The following SLC7A3 variants were observed in gnomAD, a reference collection of about 807,000 sequenced individuals.
SLC7A3 encodes cationic amino acid transporter 3.
In SLC7A3, 3 loss-of-function variants were observed where a neutral mutation model predicts 33.2. That is an observed-to-expected ratio of 0.09 (90% CI 0.04 to 0.23). The LOEUF is 0.23. SLC7A3 is among the 10% of genes least tolerant of loss of function. The pLI is 1.00. For synonymous variants in SLC7A3, 193 were observed against 195.1 expected (o/e 0.99, Z 0.09); for missense variants, 360 against 488.8 (o/e 0.74, Z 2.48).
rs2091899566 is a variant in SLC7A3 at position 70,927,498 on chromosome X, G to A, written c.1169C>T (p.Ser390Phe). 8.3e-7 allele frequency: 1 copy of A among 1,211,563 alleles called. No individual in the cohort carries two copies. The highest frequency in any genetic ancestry group is 1.1e-6 in the Non-Finnish European group (1 of 895,446). Residue 390 changes from serine (S) to phenylalanine (F), a missense_variant, in exon 7 of 12, where the codon TCT becomes TTT. By Grantham distance (155) the Ser-to-Phe change is radical. Coordinates refer to ENST00000374299, the MANE Select transcript of SLC7A3 (RefSeq NM_032803.6). ...GGGTCTGTTACCTGCAATAATGCCA[G>A]AGACCACGGTGGCTATGATTGGGGT... is the stretch of plus-strand genomic sequence containing the variant. Reference protein sequence around the residue: ...TRTPIIATVVSGIIAAFMAFL... With the variant: ...TRTPIIATVVFGIIAAFMAFL...
chrX:70,928,701 G>A lies in SLC7A3; in HGVS notation c.530-68C>T, dbSNP rs67961679. ...CCAAGCTTTGTTTCCCTGCCTCTAG[G>A]TTCCTTCCCAGCTTTTCTTCTTCCC... On this transcript the variant is annotated intron_variant, in intron 3 of 11. Coordinates refer to ENST00000374299, the MANE Select transcript of SLC7A3 (RefSeq NM_032803.6). 25,156 of 1,122,878 alleles carry A rather than the reference G, an allele frequency of 0.022. 1,489 individuals are homozygous for A. In the African/African-American group the frequency reaches 0.26, roughly 11 times the overall value. 92.5% of individuals were successfully genotyped at this position (1,122,878 alleles called of 1,213,427 possible). A position where few individuals can be genotyped will look rare whatever the true frequency, so the allele number is the denominator to read the frequency against.
intron 1 of SLC7A3, among the ~76,000 whole-genome samples, chrX:70,930,228 A>G (rs1458977575): frequency 8.9e-6 from 1 of 111,966 alleles, no homozygotes; most frequent in Non-Finnish European, 1.9e-5. Flanking sequence ...AGGTTTTTGG[A>G]AGGGCTAATT....
At chrX:70,928,324 GC>G in intron 4 of SLC7A3, 67 bp from the exon 5 acceptor site, 1 of 1,108,720 alleles carries the variant, frequency 9.0e-7, no homozygotes, top group Admixed American at 2.4e-5. Context: ...TTTCTCTAAT[GC>G]CAAACCAGTT....
chrX:70,927,815 G>A lies in SLC7A3; in HGVS notation c.1026C>T (p.Leu342=). The A allele has an allele frequency of 8.5e-7, 1 of 1,182,858 alleles. No homozygotes were observed. The highest frequency in any genetic ancestry group is 1.1e-6 in the Non-Finnish European group (1 of 880,875). ...PARYVVAVGS[L]CALSTSLLGS... is the part of the protein sequence containing the mutation. Reference sequence around the variant, plus strand: ...ATACTGACCTGGTAGAAAGAGCACAGAGGGAGCCAACAGCCACAACATAGC... The same window carrying A: ...ATACTGACCTGGTAGAAAGAGCACAAAGGGAGCCAACAGCCACAACATAGC... Residue 342 remains leucine (L), a synonymous_variant, in exon 6 of 12, where the codon CTC becomes CTT. Coordinates refer to ENST00000374299, the MANE Select transcript of SLC7A3 (RefSeq NM_032803.6).
At chrX:70,929,025 A>G (rs1456823219) in intron 2 of SLC7A3, 23 bp from the exon 3 acceptor site, 1 of 1,205,425 alleles carries the variant, frequency 8.3e-7, no homozygotes, top group South Asian at 1.8e-5. Flanking sequence ...AGAGAGAAAC[A>G]TGTGGCCAAG....
At position 70,928,613 on chromosome X, in the gene SLC7A3, T is replaced by C. The variant is rs769312089; in HGVS notation, c.550A>G (p.Ser184Gly). The C allele has an allele frequency of 1.2e-4, 145 of 1,201,938 alleles. No homozygotes were observed. In the South Asian group the frequency reaches 2.5e-3, roughly 21 times the overall value. Residue 184 changes from serine (S) to glycine (G), a missense_variant, in exon 4 of 12, where the codon AGT (serine) becomes GGT (glycine). By Grantham distance (56) the Ser-to-Gly change is moderately conservative. Transcript: ENST00000374299. Reference protein sequence around the residue: ...LLTGLLALGASESALVTKVFT... With the variant: ...LLTGLLALGAGESALVTKVFT... ...ACTTTGGTAACCAGGGCCGACTCAC[T>C]AGCCCCGAGAGCCAACAATCCTGTG... is the stretch of plus-strand genomic sequence containing the variant.
rs1484353300 is a variant in SLC7A3 at position 70,928,402 on chromosome X, C to T, written c.707+54G>A. The T allele has an allele frequency of 2.6e-6, 3 of 1,134,194 alleles. 1 individual carries two copies. The highest frequency in any genetic ancestry group is 3.6e-5 in the African/African-American group (2 of 54,996). The allele number at this position is 1,134,194 out of a possible 1,213,427, so 93.5% of individuals were successfully genotyped here. ...CCATCCAGAATCCTTCAGCAGATCCCCTTCTTCCCCTTCATTTTCCCAGCT... is the reference window on the plus strand; with the variant it reads ...CCATCCAGAATCCTTCAGCAGATCCTCTTCTTCCCCTTCATTTTCCCAGCT... On this transcript the variant is annotated intron_variant, in intron 4 of 11. Transcript: ENST00000374299.
At chrX:70,926,727 A>T in intron 9 of SLC7A3, 34 bp from the exon 10 acceptor site, 1 of 1,170,369 alleles carries the variant, frequency 8.5e-7, no homozygotes, top group Non-Finnish European at 1.1e-6. Context: ...ATCAAAACCA[A>T]CTCTTAAGAC....
chrX:70,930,418 A>C (rs1338243270), intron 1 of SLC7A3, among the ~76,000 whole-genome samples: 1 of 111,287 alleles, frequency 9.0e-6, no homozygotes, highest in Admixed American at 9.5e-5. Flanking sequence ...AATTAAACAG[A>C]GCTCCACCCA....
chrX:70,927,377 C>T lies in SLC7A3; in HGVS notation c.1191G>A (p.Met397Ile), dbSNP rs1468577846. 1.7e-6 allele frequency: 2 copies of T among 1,208,722 alleles called. No individual in the cohort carries two copies. Among genetic ancestry groups the T allele is most frequent in the African/African-American group, 3.5e-5 (2 of 57,024 alleles). ...GATCAGTGAGTTTGAAGAGGAATGC[C>T]ATGAATGCTAAAATTAATAGGCAGG... ...TVVSGIIAAF[M>I]AFLFKLTDLV... Residue 397 changes from methionine (M) to isoleucine (I), a missense_variant, in exon 8 of 12, where the codon ATG becomes ATA. Physicochemically the swap from Met to Ile is conservative, Grantham distance 10 (BLOSUM62 1). Coordinates refer to ENST00000374299, the MANE Select transcript of SLC7A3 (RefSeq NM_032803.6).
rs139260937 is a variant in SLC7A3 at position 70,927,517 on chromosome X, T to C, written c.1150A>G (p.Ile384Val). Reference sequence around the variant, plus strand: ...ATGCCAGAGACCACGGTGGCTATGATTGGGGTGCGTGTGCCGGTGTGGATC... The same window carrying C: ...ATGCCAGAGACCACGGTGGCTATGACTGGGGTGCGTGTGCCGGTGTGGATC... ...ARIHTGTRTP[I>V]IATVVSGIIA... is the part of the protein sequence containing the mutation. Residue 384 changes from isoleucine (I) to valine (V), a missense_variant, in exon 7 of 12, where the codon ATC (isoleucine) becomes GTC (valine). Ile to Val is a conservative substitution (Grantham distance 29). Transcript: ENST00000374299. 4.1e-6 allele frequency: 5 copies of C among 1,208,925 alleles called. No individual in the cohort carries two copies. The highest frequency in any genetic ancestry group is 1.8e-5 in the African/African-American group (1 of 56,912).
intron 1 of SLC7A3, among the ~76,000 whole-genome samples, chrX:70,930,490 C>T (rs1356151696): frequency 9.0e-6 from 1 of 111,653 alleles, no homozygotes; most frequent in Non-Finnish European, 1.9e-5. Context: ...GAGAGGGGAC[C>T]AACCTCGCTG....
At position 70,928,265 on chromosome X, in the gene SLC7A3, G is replaced by C. The variant is rs200150436; in HGVS notation, c.708-8C>G. ...GAGCCCAGAGGACCCAAGCTAGAGT[G>C]GAAGAAGGGTTGGAGAAGGTAAGGG... On this transcript the variant is annotated splice_polypyrimidine_tract_variant and splice_region_variant and intron_variant, in intron 4 of 11. Transcript: ENST00000374299. The C allele has an allele frequency of 8.4e-7, 1 of 1,195,737 alleles. No individual in the cohort carries two copies. The highest frequency in any genetic ancestry group is 3.0e-5 in the East Asian group (1 of 33,703).
At chrX:70,927,134 G>A in intron 8 of SLC7A3, 93 bp from the exon 9 acceptor site, 25 of 1,106,780 alleles carry the variant, frequency 2.3e-5, no homozygotes, top group Non-Finnish European at 2.9e-5. Context: ...TCACCATTAA[G>A]GGAAGTTCTT....
chrX:70,930,089 C>A, intron 1 of SLC7A3, 67 bp from the exon 2 acceptor site: 3 of 1,044,644 alleles, frequency 2.9e-6, no homozygotes, highest in Non-Finnish European at 3.9e-6. Flanking sequence ...AAGCGAATTA[C>A]AAGACCCCCT....
Position 70,926,924 on chromosome X carries a change from G to A in SLC7A3, c.1404C>T (p.Ile468=), listed in dbSNP as rs1465813695. 1.7e-6 allele frequency: 2 copies of A among 1,211,242 alleles called. No homozygotes were observed. Among genetic ancestry groups the A allele is most frequent in the Admixed American group, 2.2e-5 (1 of 45,935 alleles). The part of the protein sequence containing the change: ...LWGLFFPLNS[I]PTPLSGQIVY... Reference sequence around the variant, plus strand: ...CAATTTGGCCAGAGAGTGGAGTGGGGATGGAGTTGAGTGGGAAAAATAGTC... The same window carrying A: ...CAATTTGGCCAGAGAGTGGAGTGGGAATGGAGTTGAGTGGGAAAAATAGTC... The change falls in exon 9 of 12, where the codon ATC becomes ATT. Residue 468 remains isoleucine, a synonymous_variant. Coordinates refer to ENST00000374299, the MANE Select transcript of SLC7A3 (RefSeq NM_032803.6).
intron 2 of SLC7A3, 137 bp from the exon 3 acceptor site, chrX:70,929,139 G>T: frequency 1.7e-6 from 1 of 600,951 alleles, no homozygotes; most frequent in South Asian, 3.0e-5. Flanking sequence ...CACCCAGGAT[G>T]GAGTGCAGTG....
rs1332650565 is a variant in SLC7A3, at chrX:70,928,629, C to T, written c.534G>A (p.Leu178=). The T allele has an allele frequency of 8.3e-7, 1 of 1,199,494 alleles. No homozygotes were observed. Among genetic ancestry groups the T allele is most frequent in the Non-Finnish European group, 1.1e-6 (1 of 889,415 alleles). The part of the protein sequence containing the change: ...ALGLVLLLTG[L]LALGASESAL... ...CCGACTCACTAGCCCCGAGAGCCAA[C>T]AATCCTGTGGGAGAAATGCATTCAG... The change falls in exon 4 of 12, where the codon TTG becomes TTA. Residue 178 remains leucine, a synonymous_variant. Coordinates refer to ENST00000374299, the MANE Select transcript of SLC7A3 (RefSeq NM_032803.6).
In SLC7A3 at chrX:70,930,006, G is replaced by C. The variant is rs776379395; in HGVS notation, c.-9C>G. ...AATGCTTGCCACGGCATCCTAGCAG[G>C]AATTGAAGAAGATGATCTGGTGAAA... On this transcript the variant is annotated 5_prime_UTR_variant, in exon 2 of 12. Transcript: ENST00000374299. 14 of 1,189,479 alleles carry C rather than the reference G, an allele frequency of 1.2e-5. No homozygotes were observed. Among genetic ancestry groups the C allele is most frequent in the Middle Eastern group, 2.4e-4 (1 of 4,239 alleles).
Sources: gnomAD v4.1 joint callset for allele counts (sites outside exome capture counted in the v4.1 genomes callset) on GRCh38, gnomAD v4.1.1 for gene constraint, MANE v1.5 for transcripts, NCBI Gene and HGNC (gene_info 2026-07-23, HGNC 2026-07-21) for gene names.